PCDHA1: variants seen among roughly 807,000 people sequenced by gnomAD.
The protein encoded by PCDHA1 is protocadherin alpha-1.
Under a neutral mutation model 61.3 loss-of-function variants are expected in PCDHA1, and 42 were observed. That is an observed-to-expected ratio of 0.69 (90% CI 0.54 to 0.89). The LOEUF is 0.89. Among genes scored for constraint, PCDHA1 ranks in the 40% least tolerant of loss-of-function variants. PCDHA1 has a pLI of 0.00. For synonymous variants in PCDHA1, 610 were observed against 553.8 expected, an observed-to-expected ratio of 1.10 and a Z score of -1.43; for missense variants, 1,256 against 1,235.3, an observed-to-expected ratio of 1.02 and a Z score of -0.25.
intron 1 of PCDHA1, chr5:140,868,100 ATTTAT>A (rs2153230738): frequency 1.3e-5 from 2 of 152,260 alleles, no homozygotes; most frequent in South Asian, 2.1e-4. Context: ...TGATAATAAA[ATTTAT>A]TTTATAGTTG....
intron 1 of PCDHA1, chr5:140,823,639 C>G (rs1207505503): frequency 6.2e-7 from 1 of 1,613,894 alleles, no homozygotes; most frequent in South Asian, 1.1e-5. Context: ...CATCCCGTTC[C>G]GCGTGGGGCT....
intron 1 of PCDHA1, chr5:140,802,686 C>G: frequency 1.2e-6 from 2 of 1,613,064 alleles, no homozygotes; most frequent in Non-Finnish European, 1.7e-6. Context: ...GCTGGTGGAA[C>G]GGCGGGTGGG....
chr5:140,823,556 G>A (rs2150126875), intron 1 of PCDHA1: 5 of 1,613,888 alleles, frequency 3.1e-6, no homozygotes, highest in Non-Finnish European at 3.4e-6. Context: ...GCGAAGGTGC[G>A]CGCAGTGGAC....
intron 1 of PCDHA1, among the ~76,000 whole-genome samples, chr5:140,932,345 C>G (rs1332373274): frequency 6.6e-6 from 1 of 151,820 alleles, no homozygotes; most frequent in African/African-American, 2.4e-5. Context: ...AAACACTTAC[C>G]ATACAACTGG....
In PCDHA1 at chr5:140,857,359, G is replaced by C. The variant is rs200721411; in HGVS notation, c.2394+68675G>C. 31 of 1,598,398 alleles carry C rather than the reference G, an allele frequency of 1.9e-5. 2 individuals carry two copies. In the African/African-American group the frequency reaches 2.4e-4, roughly 12 times the overall value. The stretch of plus-strand genomic sequence containing the variant: ...GGGGCTCGCCTCCGCTGTGGGCCAC[G>C]GCCAGCGTGTCTGTGGAGGTGGCCG... On this transcript the variant is annotated intron_variant, in intron 1 of 3. Transcript: ENST00000504120.
At chr5:140,803,658 C>A (rs1554122917) in intron 1 of PCDHA1, 9 of 1,607,728 alleles carry the variant, frequency 5.6e-6, no homozygotes, top group Non-Finnish European at 7.7e-6. Context: ...TTCCACTCCT[C>A]TGGAAATACA....
At position 140,912,253 on chromosome 5, in the gene PCDHA1, G is replaced by A. The variant is rs531201374; in HGVS notation, c.2395-66696G>A. Among the ~76,000 whole-genome samples the A allele has an allele frequency of 4.8e-4, 73 of 152,064 alleles. 1 individual carries two copies. The highest frequency in any genetic ancestry group is 1.5e-3 in the South Asian group (7 of 4,810). ...ACTGACTCAAATGTTAATCTCCTTTGATGACACCCTCACAGATATACCCAG... is the reference window on the plus strand; with the variant it reads ...ACTGACTCAAATGTTAATCTCCTTTAATGACACCCTCACAGATATACCCAG... On this transcript the variant is annotated intron_variant, in intron 1 of 3. Coordinates refer to ENST00000504120, the MANE Select transcript of PCDHA1 (RefSeq NM_018900.4).
intron 1 of PCDHA1, chr5:140,928,805 T>C (rs1554206331): frequency 6.2e-7 from 1 of 1,614,162 alleles, no homozygotes. Context: ...GTGGTAGTGG[T>C]TCGGGACCAT....
At chr5:141,000,398 T>TAA in intron 3 of PCDHA1, among the ~76,000 whole-genome samples, 1 of 55,032 alleles carries the variant, frequency 1.8e-5, no homozygotes, top group African/African-American at 7.5e-5. Flanking sequence ...TCTCTCTCTA[T>TAA]ATATATATAT....
At chr5:140,857,683 C>A in intron 1 of PCDHA1, 1 of 1,597,084 alleles carries the variant, frequency 6.3e-7, no homozygotes, top group East Asian at 2.2e-5. Context: ...CGCCTCTGGG[C>A]AGCAACTTGA....
chr5:140,938,957 C>T (rs1435245997), intron 1 of PCDHA1, among the ~76,000 whole-genome samples: 2 of 152,040 alleles, frequency 1.3e-5, no homozygotes, highest in African/African-American at 2.4e-5. Context: ...ATGCTCTAGT[C>T]GGAGTTTGGC....
At chr5:140,910,037 C>G (rs1290917830) in intron 1 of PCDHA1, among the ~76,000 whole-genome samples, 1 of 152,198 alleles carries the variant, frequency 6.6e-6, no homozygotes, top group Non-Finnish European at 1.5e-5. Context: ...ATAAATCCCA[C>G]TTGGTCATAA....
chr5:140,844,328 A>T (rs2150370621), intron 1 of PCDHA1, among the ~76,000 whole-genome samples: 8 of 149,410 alleles, frequency 5.4e-5, no homozygotes, highest in Non-Finnish European at 9.0e-5. Flanking sequence ...TTTATTATAA[A>T]CTAGTTAAAA....
rs2150283763 is a variant in PCDHA1, at chr5:140,838,077, AGTGTGTGTGTGT to A, written c.2394+49436_2394+49447del. On this transcript the variant is annotated intron_variant, in intron 1 of 3. Coordinates refer to ENST00000504120, the MANE Select transcript of PCDHA1 (RefSeq NM_018900.4). ...TTTCCACTTTAAGTTATATATATAT[AGTGTGTGTGTGT>A]GTGTGTGTGTGTGTGTGTGTGTGTG... Among the ~76,000 whole-genome samples, 482 of 80,690 alleles carry A rather than the reference AGTGTGTGTGTGT, an allele frequency of 6.0e-3. 2 individuals are homozygous for A. Among genetic ancestry groups the A allele is most frequent in the East Asian group, 0.019 (58 of 3,058 alleles). 52.9% of individuals were successfully genotyped at this position (80,690 alleles called of 152,430 possible).
rs2150366293 is a variant in PCDHA1 at position 140,843,763 on chromosome 5, G to A, written c.2394+55079G>A. 5.2e-5 allele frequency: 78 copies of A among 1,492,498 alleles called. 4 individuals are homozygous for A. The Middle Eastern group carries it at 1.8e-3, about 34-fold the overall frequency. The allele number at this position is 1,492,498 out of a possible 1,614,324, so 92.5% of individuals were successfully genotyped here. A position where few individuals can be genotyped will look rare whatever the true frequency, so the allele number is the denominator to read the frequency against. Reference sequence around the variant, plus strand: ...CTCATAAATTCTATTTGTGGAAATTGTAGTTACTTTAAAAGTGTTTCAGAT... The same window carrying A: ...CTCATAAATTCTATTTGTGGAAATTATAGTTACTTTAAAAGTGTTTCAGAT... On this transcript the variant is annotated intron_variant, in intron 1 of 3. Coordinates refer to ENST00000504120, the MANE Select transcript of PCDHA1 (RefSeq NM_018900.4).
At chr5:140,823,832 T>G (rs1554129625) in intron 1 of PCDHA1, 2 of 1,613,836 alleles carry the variant, frequency 1.2e-6, no homozygotes, top group African/African-American at 1.3e-5. Flanking sequence ...GCGGGCGCTG[T>G]GGGTCCCGAG....
chr5:140,913,670 A>G (rs2076427033), intron 1 of PCDHA1, among the ~76,000 whole-genome samples: 1 of 152,090 alleles, frequency 6.6e-6, no homozygotes, highest in Non-Finnish European at 1.5e-5. Flanking sequence ...TAGTTAGGTT[A>G]TTTAAAATGA....
chr5:140,908,090 G>A (rs1198966409), intron 1 of PCDHA1, among the ~76,000 whole-genome samples: 1 of 152,200 alleles, frequency 6.6e-6, no homozygotes. Flanking sequence ...CAGGTGCACT[G>A]ATTGAAGTTC....
In PCDHA1 at chr5:140,786,356, A is replaced by T; in HGVS notation, c.66A>T (p.Ala22=). The change falls in exon 1 of 4, where the codon GCA becomes GCT. Residue 22 remains alanine, a synonymous_variant. Coordinates refer to ENST00000504120, the MANE Select transcript of PCDHA1 (RefSeq NM_018900.4). ...RDLLLWLLLL[A]AWEVGSGQLH... ...TGCTTCTTTGGCTTCTGCTCCTCGC[A>T]GCCTGGGAGGTGGGGAGCGGCCAGC... is the stretch of plus-strand genomic sequence containing the variant. The T allele has an allele frequency of 6.2e-7, 1 of 1,613,912 alleles. No individual in the cohort carries two copies. Among genetic ancestry groups the T allele is most frequent in the Non-Finnish European group, 8.5e-7 (1 of 1,180,022 alleles).
Sources: gnomAD v4.1 joint callset for allele counts (sites outside exome capture counted in the v4.1 genomes callset) on GRCh38, gnomAD v4.1.1 for gene constraint, MANE v1.5 for transcripts, NCBI Gene and HGNC (gene_info 2026-07-23, HGNC 2026-07-21) for gene names.